The following MKLN1 variants were observed in gnomAD, a reference collection of about 807,000 sequenced individuals.
MKLN1 encodes the protein muskelin 1.
Under a neutral mutation model 99.0 loss-of-function variants are expected in MKLN1, and 18 were observed. That is an observed-to-expected ratio of 0.18 (90% confidence interval 0.13 to 0.27). MKLN1 has a LOEUF of 0.27. MKLN1 is among the 10% of genes least tolerant of loss of function. The probability of loss-of-function intolerance (pLI) is 1.00; values close to 1 mark genes in which losing one functional copy is unlikely to be tolerated. For missense variants in MKLN1, 621 were observed against 875.9 expected (o/e 0.71, Z 3.67); for synonymous variants, 288 against 293.2 (o/e 0.98, Z 0.18).
intron 7 of MKLN1, among the ~76,000 whole-genome samples, chr7:131,413,913 G>A (rs1486824590): frequency 6.6e-6 from 1 of 152,102 alleles, no homozygotes; most frequent in Non-Finnish European, 1.5e-5. Context: ...TCTTTTGGAA[G>A]TTTAAATAAA....
chr7:131,269,952 C>T (rs1163307541), intron 3 of MKLN1, among the ~76,000 whole-genome samples: 1 of 151,994 alleles, frequency 6.6e-6, no homozygotes, highest in Non-Finnish European at 1.5e-5. Flanking sequence ...GAGATGGAGT[C>T]TTGCTCTGTC....
At chr7:131,170,170 T>A (rs575769144) in intron 2 of MKLN1, among the ~76,000 whole-genome samples, 4 of 152,310 alleles carry the variant, frequency 2.6e-5, no homozygotes, top group African/African-American at 9.6e-5. Flanking sequence ...ATCACCCTCA[T>A]CATAGCTAAC....
intron 6 of MKLN1, among the ~76,000 whole-genome samples, chr7:131,402,711 T>A (rs573364515): frequency 1.1e-4 from 16 of 152,308 alleles, no homozygotes; most frequent in South Asian, 2.1e-4. Context: ...TATTCCTGTG[T>A]TTCTCCATCA....
rs190599393 is a variant in MKLN1 at position 131,242,322 on chromosome 7, G to A, written c.-179+39348G>A. On this transcript the variant is annotated intron_variant, in intron 3 of 7. Transcript: ENST00000416992. ...AGGCTAAAGCAGGAGGATCACTTGA[G>A]GCCAGGCATTTGAGACCAACTTGGG... Among the ~76,000 whole-genome samples the A allele has an allele frequency of 3.3e-5, 5 of 152,288 alleles. No individual in the cohort carries two copies. The East Asian group carries it at 7.7e-4, about 24-fold the overall frequency.
At chr7:131,201,025 C>T (rs1402750746) in intron 2 of MKLN1, among the ~76,000 whole-genome samples, 5 of 152,096 alleles carry the variant, frequency 3.3e-5, no homozygotes, top group African/African-American at 1.2e-4. Context: ...GAGGTGGCCA[C>T]CTCTTTTTTT....
chr7:131,444,760 A>AGT (rs1563351975), intron 11 of MKLN1, among the ~76,000 whole-genome samples: 1,864 of 55,202 alleles, frequency 0.034, 20 homozygotes, highest in Non-Finnish European at 0.042. Flanking sequence ...GTAGTAGTAG[A>AGT]AGAAGTAGTA....
chr7:131,227,481 T>TTCTTTC (rs1563259256), intron 3 of MKLN1, among the ~76,000 whole-genome samples: 4 of 145,840 alleles, frequency 2.7e-5, no homozygotes, highest in Non-Finnish European at 4.5e-5. Flanking sequence ...CTTTCTCTCT[T>TTCTTTC]TCTCTCTTTC....
intron 3 of MKLN1, among the ~76,000 whole-genome samples, chr7:131,286,442 T>G (rs946941882): frequency 9.2e-5 from 14 of 152,260 alleles, no homozygotes; most frequent in African/African-American, 3.1e-4. Flanking sequence ...GTAGCTTTGT[T>G]TTTTTTTCCT....
intron 1 of MKLN1, among the ~76,000 whole-genome samples, chr7:131,112,222 T>C (rs1795212881): frequency 6.6e-6 from 1 of 152,254 alleles, no homozygotes; most frequent in Admixed American, 6.5e-5. Context: ...TGTCAGTTTC[T>C]TCGTGGAAGC....
chr7:131,174,197 C>T (rs1306651650), intron 2 of MKLN1, among the ~76,000 whole-genome samples: 1 of 152,170 alleles, frequency 6.6e-6, no homozygotes, highest in African/African-American at 2.4e-5. Context: ...TGGTCTCGAT[C>T]TCCTGACCTC....
In MKLN1 at chr7:131,432,399, T is replaced by C. The variant is rs565903457; in HGVS notation, c.960+3254T>C. Among the ~76,000 whole-genome samples, 7 of 152,314 alleles carry C rather than the reference T, an allele frequency of 4.6e-5. No homozygotes were observed. In the East Asian group the frequency reaches 1.2e-3, roughly 25 times the overall value. On this transcript the variant is annotated intron_variant, in intron 9 of 17. Transcript: ENST00000352689. ...CAATAAGTAATTATTTTAAAACTCA[T>C]GCTGGAAAAATATAGAGATTATTTT... is the stretch of plus-strand genomic sequence containing the variant.
intron 2 of MKLN1, 58 bp from the exon 3 acceptor site, chr7:131,387,057 TTAAAG>T: frequency 2.1e-6 from 3 of 1,454,358 alleles, no homozygotes; most frequent in Non-Finnish European, 1.9e-6. Context: ...GGCAATAGTT[TTAAAG>T]TTGTCTAACA....
In MKLN1 at chr7:131,265,247, A is replaced by C. The variant is rs77793507; in HGVS notation, c.-179+62273A>C. 2.3e-4 allele frequency among the ~76,000 whole-genome samples: 35 copies of C among 152,344 alleles called. 1 individual carries two copies. The East Asian group carries it at 6.0e-3, about 26-fold the overall frequency. ...TAGCCCTCCCAGGGGACTTAGGCAC[A>C]CATGTCTCTCACCACCACTGGGAAT... On this transcript the variant is annotated intron_variant, in intron 3 of 7. Coordinates refer to the MKLN1 transcript ENST00000416992.
intron 2 of MKLN1, among the ~76,000 whole-genome samples, chr7:131,196,423 A>T (rs780603247): frequency 2.6e-5 from 4 of 152,262 alleles, no homozygotes; most frequent in Non-Finnish European, 4.4e-5. Context: ...TCACTCGCAA[A>T]GGAAAAAAGG....
chr7:131,154,168 G>A (rs1795931404), intron 2 of MKLN1, among the ~76,000 whole-genome samples: 1 of 152,066 alleles, frequency 6.6e-6, no homozygotes, highest in Non-Finnish European at 1.5e-5. Context: ...AGAATAGGAG[G>A]ATTCACATCA....
At chr7:131,124,309 CAT>C (rs1029427078) in intron 1 of MKLN1, among the ~76,000 whole-genome samples, 5 of 152,304 alleles carry the variant, frequency 3.3e-5, no homozygotes, top group African/African-American at 9.6e-5. Flanking sequence ...GTCACAGACA[CAT>C]ATAGAAACCC....
chr7:131,371,011 A>C (rs1006984672), intron 1 of MKLN1, among the ~76,000 whole-genome samples: 45 of 151,966 alleles, frequency 3.0e-4, no homozygotes, highest in African/African-American at 9.6e-4. Flanking sequence ...TCTGTATTTT[A>C]TTTCTTTTTA....
intron 3 of MKLN1, among the ~76,000 whole-genome samples, chr7:131,245,488 G>T (rs1160810758): frequency 6.6e-6 from 1 of 152,088 alleles, no homozygotes; most frequent in African/African-American, 2.4e-5. Context: ...GGCTGGTCTC[G>T]AATTCCTGCC....
intron 2 of MKLN1, among the ~76,000 whole-genome samples, chr7:131,172,859 T>C (rs1272756715): frequency 6.6e-6 from 1 of 152,230 alleles, no homozygotes; most frequent in East Asian, 1.9e-4. Context: ...AATTCCACTG[T>C]AAATCTCTGT....
Sources: allele counts gnomAD v4.1 joint callset (sites outside exome capture counted in the v4.1 genomes callset), GRCh38; gene constraint gnomAD v4.1.1; transcripts MANE v1.5; gene names NCBI Gene and HGNC (gene_info 2026-07-23, HGNC 2026-07-21).